CPED1: variants seen among roughly 807,000 people sequenced by gnomAD.
The protein encoded by CPED1 is cadherin like and PC-esterase domain containing 1, also known as cadherin-like and PC-esterase domain-containing protein 1.
A neutral mutation model predicts 128.2 loss-of-function variants in CPED1; 114 were observed. That is an observed-to-expected ratio of 0.89 (90% CI 0.76 to 1.04). CPED1 has a LOEUF of 1.04. Ranked by LOEUF, CPED1 falls within the 50% of genes least tolerant of loss-of-function variation. The pLI is 0.00. For missense variants in CPED1, 1,211 were observed against 1,207.1 expected (o/e 1.00, Z -0.05); for synonymous variants, 462 against 426.7 (o/e 1.08, Z -1.02).
intron 2 of CPED1, among the ~76,000 whole-genome samples, chr7:121,002,682 T>C (rs892986346): frequency 6.6e-5 from 10 of 152,022 alleles, no homozygotes; most frequent in Non-Finnish European, 1.3e-4. Context: ...AAAAAAACAA[T>C]GATTAAAGTA....
rs190307064 is a variant in CPED1, at chr7:120,994,877, A to G, written c.249+5007A>G. On this transcript the variant is annotated intron_variant, in intron 2 of 22. Coordinates refer to ENST00000310396, the MANE Select transcript of CPED1 (RefSeq NM_024913.5). The stretch of plus-strand genomic sequence containing the variant: ...CACACATTGCAGAATGGACTGGAGT[A>G]GAATTGAAGGCAGGAAGACCAGTTG... Among the ~76,000 whole-genome samples the G allele has an allele frequency of 6.6e-5, 10 of 152,320 alleles. No homozygotes were observed. The East Asian group carries it at 1.2e-3, about 18-fold the overall frequency.
At chr7:121,259,397 C>T (rs1208401229) in intron 18 of CPED1, among the ~76,000 whole-genome samples, 2 of 151,938 alleles carry the variant, frequency 1.3e-5, no homozygotes, top group Non-Finnish European at 2.9e-5. Flanking sequence ...GAATATAGGA[C>T]ACTTTTGAAC....
chr7:121,201,398 C>T (rs1524500), intron 16 of CPED1, among the ~76,000 whole-genome samples: 61,957 of 151,112 alleles, frequency 0.41, 13,485 homozygotes, highest in East Asian at 0.79. Flanking sequence ...CGCCACTGCA[C>T]TCCAGCCTGG....
chr7:121,008,619 T>TAATTTGGATA (rs1448280846), intron 2 of CPED1, among the ~76,000 whole-genome samples: 1 of 152,134 alleles, frequency 6.6e-6, no homozygotes. Flanking sequence ...TAATTTGGAT[T>TAATTTGGATA]AATTTGGATT....
intron 2 of CPED1, among the ~76,000 whole-genome samples, chr7:121,015,154 C>T (rs1044677217): frequency 1.3e-5 from 2 of 152,150 alleles, no homozygotes; most frequent in African/African-American, 4.8e-5. Flanking sequence ...TTTGCTACAG[C>T]CTAATTGAGA....
chr7:121,157,081 GT>G (rs1339057709), intron 16 of CPED1, among the ~76,000 whole-genome samples: 1 of 152,150 alleles, frequency 6.6e-6, no homozygotes, highest in African/African-American at 2.4e-5. Flanking sequence ...AGATTCAAAC[GT>G]TATACTTGGA....
chr7:121,081,553 G>A (rs901166093), intron 5 of CPED1, among the ~76,000 whole-genome samples: 1 of 151,970 alleles, frequency 6.6e-6, no homozygotes. Context: ...TTTCTTCTGC[G>A]TCACTTTCAT....
At position 121,295,448 on chromosome 7, in the gene CPED1, A is replaced by C. The variant is rs923158941; in HGVS notation, c.2877A>C (p.Lys959Asn). Residue 959 changes from lysine (K) to asparagine (N), a missense_variant, in exon 23 of 23, where the codon AAA becomes AAC. By Grantham distance (94) the Lys-to-Asn change is moderately conservative (BLOSUM62 0). Transcript: ENST00000310396. Reference sequence around the variant, plus strand: ...TTGCTCTTCATTTACAGGTAGTGAAATCAAAGTTATCCAAAGAATATAACT... The same window carrying C: ...TTGCTCTTCATTTACAGGTAGTGAACTCAAAGTTATCCAAAGAATATAACT... Reference protein sequence around the residue: ...KCGCHFHEVVKSKLSKEYNFI... With the variant: ...KCGCHFHEVVNSKLSKEYNFI... The C allele has an allele frequency of 1.9e-6, 3 of 1,611,002 alleles. No homozygotes were observed. The African/African-American group carries it at 4.0e-5, about 22-fold the overall frequency.
intron 16 of CPED1, among the ~76,000 whole-genome samples, chr7:121,201,511 A>G (rs1797397677): frequency 6.6e-6 from 1 of 151,854 alleles, no homozygotes; most frequent in Admixed American, 6.6e-5. Context: ...AAGGAAAGAA[A>G]GAGAAAGAGA....
intron 4 of CPED1, among the ~76,000 whole-genome samples, chr7:121,061,358 G>A (rs746043084): frequency 2.0e-5 from 3 of 152,112 alleles, no homozygotes; most frequent in Non-Finnish European, 4.4e-5. Context: ...TAAGAAAAAT[G>A]TCTGTGTATA....
intron 5 of CPED1, among the ~76,000 whole-genome samples, chr7:121,073,418 A>C (rs1426371591): frequency 6.6e-6 from 1 of 152,164 alleles, no homozygotes; most frequent in Non-Finnish European, 1.5e-5. Flanking sequence ...AGAGGCAGGC[A>C]TACTCAGTGA....
chr7:121,166,453 A>T (rs912678070), intron 16 of CPED1, among the ~76,000 whole-genome samples: 2 of 152,208 alleles, frequency 1.3e-5, no homozygotes, highest in Admixed American at 1.3e-4. Context: ...AGACATACTG[A>T]TACATTTTAA....
chr7:121,200,226 C>A (rs1351802378), intron 16 of CPED1, among the ~76,000 whole-genome samples: 1 of 152,054 alleles, frequency 6.6e-6, no homozygotes, highest in Non-Finnish European at 1.5e-5. Flanking sequence ...AGAAACATCA[C>A]TTTTCCTATA....
intron 2 of CPED1, among the ~76,000 whole-genome samples, chr7:120,993,350 C>T (rs1796340459): frequency 6.6e-6 from 1 of 152,146 alleles, no homozygotes; most frequent in African/African-American, 2.4e-5. Context: ...TCACCATAGC[C>T]ATGTGTTTCT....
intron 22 of CPED1, among the ~76,000 whole-genome samples, chr7:121,275,936 TAAA>T (rs5887026): frequency 7.7e-6 from 1 of 129,436 alleles, no homozygotes; most frequent in African/African-American, 2.8e-5. Flanking sequence ...ATTCATCCGG[TAAA>T]AAAAAAAAAA....
At chr7:121,057,859 G>A (rs1272589795) in intron 4 of CPED1, among the ~76,000 whole-genome samples, 1 of 152,272 alleles carries the variant, frequency 6.6e-6, no homozygotes, top group African/African-American at 2.4e-5. Flanking sequence ...TAGTCGCTAA[G>A]TAATAATATG....
At chr7:121,288,146 A>G (rs1336164795) in intron 22 of CPED1, among the ~76,000 whole-genome samples, 2 of 152,192 alleles carry the variant, frequency 1.3e-5, no homozygotes, top group Non-Finnish European at 2.9e-5. Flanking sequence ...GATGTTTTTA[A>G]TGCTCCTGGA....
intron 3 of CPED1, among the ~76,000 whole-genome samples, chr7:121,041,321 A>G (rs867361689): frequency 1.3e-5 from 2 of 152,122 alleles, no homozygotes; most frequent in Non-Finnish European, 2.9e-5. Flanking sequence ...AAATAGATAT[A>G]GTCTCTGCCA....
At chr7:121,031,265 T>C (rs1792723599) in intron 3 of CPED1, among the ~76,000 whole-genome samples, 1 of 152,190 alleles carries the variant, frequency 6.6e-6, no homozygotes, top group African/African-American at 2.4e-5. Flanking sequence ...AATTATTGCA[T>C]CAATGGGTAA....
Sources: allele counts gnomAD v4.1 joint callset (sites outside exome capture counted in the v4.1 genomes callset), GRCh38; gene constraint gnomAD v4.1.1; transcripts MANE v1.5; gene names NCBI Gene and HGNC (gene_info 2026-07-23, HGNC 2026-07-21).